TNFRSF19: variants seen among roughly 807,000 people sequenced by gnomAD.
TNFRSF19 encodes tumor necrosis factor receptor superfamily member 19.
TNFRSF19 carries 27 observed loss-of-function variants against 46.4 expected under a neutral mutation model. The ratio of observed to expected loss-of-function variants is 0.58; its 90% CI spans 0.43 to 0.80. The LOEUF (loss-of-function observed/expected upper bound fraction) is 0.80. Among genes scored for constraint, TNFRSF19 ranks in the 30% least tolerant of loss-of-function variants. TNFRSF19 has a pLI of 0.00. For missense variants in TNFRSF19, 511 were observed against 530.8 expected (o/e 0.96, Z 0.37); for synonymous variants, 204 against 205.0 (o/e 1.00, Z 0.04).
chr13:23,591,727 T>TC (rs1491222585), intron 2 of TNFRSF19, among the ~76,000 whole-genome samples: 1 of 126,242 alleles, frequency 7.9e-6, no homozygotes, highest in East Asian at 2.3e-4. Context: ...TTTCTTTCTT[T>TC]CTTTTTTTTT....
At chr13:23,652,442 T>C in intron 5 of TNFRSF19, among the ~76,000 whole-genome samples, 1 of 152,198 alleles carries the variant, frequency 6.6e-6, no homozygotes. Context: ...TTAACTAAGA[T>C]TACATTTGGC....
At chr13:23,612,212 G>A (rs1285572479) in intron 3 of TNFRSF19, among the ~76,000 whole-genome samples, 1 of 152,182 alleles carries the variant, frequency 6.6e-6, no homozygotes, top group Non-Finnish European at 1.5e-5. Flanking sequence ...ACCATGGGTT[G>A]GAGGCTGTCG....
chr13:23,668,476 T>C (rs1951688120), intron 8 of TNFRSF19, among the ~76,000 whole-genome samples: 1 of 152,232 alleles, frequency 6.6e-6, no homozygotes, highest in South Asian at 2.1e-4. Flanking sequence ...TATAACTATA[T>C]TAATTAGAAG....
intron 5 of TNFRSF19, among the ~76,000 whole-genome samples, chr13:23,634,064 C>T (rs1356948582): frequency 1.3e-5 from 2 of 152,158 alleles, no homozygotes; most frequent in Non-Finnish European, 2.9e-5. Flanking sequence ...TAAAAAGTTT[C>T]TTAAACACAT....
At chr13:23,651,893 T>A (rs1389117289) in intron 5 of TNFRSF19, among the ~76,000 whole-genome samples, 312 of 9,776 alleles carry the variant, frequency 0.032, no homozygotes, top group Middle Eastern at 0.14. Flanking sequence ...CATAACATGC[T>A]AAAAAAAAAA....
At chr13:23,574,305 T>C (rs1186844577) in intron 1 of TNFRSF19, among the ~76,000 whole-genome samples, 2 of 152,112 alleles carry the variant, frequency 1.3e-5, no homozygotes, top group African/African-American at 4.8e-5. Context: ...ATAAATAACA[T>C]GTGCAAGATT....
rs562544910 is a variant in TNFRSF19, at chr13:23,597,492, T to C, written c.180+4037T>C. Among the ~76,000 whole-genome samples the C allele has an allele frequency of 3.8e-4, 57 of 151,896 alleles. 1 individual carries two copies. The highest frequency in any genetic ancestry group is 4.6e-4 in the Non-Finnish European group (31 of 67,986). On this transcript the variant is annotated intron_variant, in intron 3 of 9. Coordinates refer to ENST00000248484, the MANE Select transcript of TNFRSF19 (RefSeq NM_148957.4). ...ACCTCTATGCAAATAAATTAGAAAA[T>C]CTAGAAGAAATTGATAAATTCCTGG...
chr13:23,655,147 G>C (rs1399508773), intron 5 of TNFRSF19, among the ~76,000 whole-genome samples: 1 of 152,186 alleles, frequency 6.6e-6, no homozygotes, highest in Non-Finnish European at 1.5e-5. Context: ...GATTTTGCTG[G>C]AGACCTCCAT....
intron 3 of TNFRSF19, among the ~76,000 whole-genome samples, chr13:23,603,747 A>G (rs1312960334): frequency 1.3e-5 from 2 of 152,060 alleles, no homozygotes; most frequent in Admixed American, 1.3e-4. Flanking sequence ...CACAAAAAGC[A>G]TTTGAAAAAT....
intron 1 of TNFRSF19, 64 bp from the exon 2 acceptor site, chr13:23,590,086 T>C: frequency 1.3e-6 from 1 of 749,264 alleles, no homozygotes; most frequent in Non-Finnish European, 2.2e-6. Flanking sequence ...AGATATTATA[T>C]AGTAAACAAA....
At chr13:23,626,131 C>T (rs1439060038) in intron 4 of TNFRSF19, among the ~76,000 whole-genome samples, 1 of 150,836 alleles carries the variant, frequency 6.6e-6, no homozygotes, top group Non-Finnish European at 1.5e-5. Context: ...TTGCCCGTTA[C>T]CTATTATTGA....
chr13:23,597,813 A>G (rs1319621641), intron 3 of TNFRSF19, among the ~76,000 whole-genome samples: 1 of 152,232 alleles, frequency 6.6e-6, no homozygotes, highest in African/African-American at 2.4e-5. Context: ...ATTTCAGGCC[A>G]ATATCCCTGA....
chr13:23,606,824 C>T (rs769751464), intron 3 of TNFRSF19, among the ~76,000 whole-genome samples: 16 of 152,164 alleles, frequency 1.1e-4, no homozygotes, highest in Non-Finnish European at 2.2e-4. Context: ...CCACTTAACT[C>T]AGAGAGCTTG....
intron 3 of TNFRSF19, among the ~76,000 whole-genome samples, chr13:23,600,961 T>C (rs988498628): frequency 5.3e-5 from 8 of 152,232 alleles, no homozygotes; most frequent in African/African-American, 1.7e-4. Flanking sequence ...GAACCAGACT[T>C]GGCAGGGATC....
At chr13:23,664,942 A>G (rs1243628055) in intron 7 of TNFRSF19, among the ~76,000 whole-genome samples, 3 of 152,242 alleles carry the variant, frequency 2.0e-5, no homozygotes, top group Admixed American at 6.5e-5. Flanking sequence ...CCACTATGGT[A>G]TAGTTGGGCC....
chr13:23,580,854 T>A (rs1878359200), intron 1 of TNFRSF19, among the ~76,000 whole-genome samples: 6 of 152,272 alleles, frequency 3.9e-5, no homozygotes. Context: ...GCTCTGTTCT[T>A]TACTTTTTAA....
At chr13:23,614,087 GTTGT>G in intron 3 of TNFRSF19, among the ~76,000 whole-genome samples, 1 of 151,782 alleles carries the variant, frequency 6.6e-6, no homozygotes, top group East Asian at 1.9e-4. Flanking sequence ...TAAATCAAGT[GTTGT>G]TTGTCTCCCC....
At chr13:23,635,874 A>C (rs1882643458) in intron 5 of TNFRSF19, among the ~76,000 whole-genome samples, 1 of 152,204 alleles carries the variant, frequency 6.6e-6, no homozygotes, top group African/African-American at 2.4e-5. Context: ...CTTTACTGAA[A>C]TATAATGTAT....
chr13:23,574,444 C>A (rs1877829502), intron 1 of TNFRSF19, among the ~76,000 whole-genome samples: 1 of 146,164 alleles, frequency 6.8e-6, no homozygotes, highest in South Asian at 2.3e-4. Flanking sequence ...AAAATTTTGG[C>A]CAAAAATATG....
Sources: gnomAD v4.1 joint callset for allele counts (sites outside exome capture counted in the v4.1 genomes callset) on GRCh38, gnomAD v4.1.1 for gene constraint, MANE v1.5 for transcripts, NCBI Gene and HGNC (gene_info 2026-07-23, HGNC 2026-07-21) for gene names.